MYL12A: variants seen among roughly 807,000 people sequenced by gnomAD.
MYL12A encodes myosin light chain 12A.
A neutral mutation model predicts 13.3 loss-of-function variants in MYL12A; 11 were observed. The observed-to-expected ratio is 0.83, with a 90% CI of 0.52 to 1.37. The LOEUF (loss-of-function observed/expected upper bound fraction) is 1.37. MYL12A is among the 40% of genes most tolerant of loss of function. The pLI, the probability that MYL12A is intolerant of heterozygous loss-of-function variation, is 0.00. For synonymous variants in MYL12A, 51 were observed against 69.9 expected, an observed-to-expected ratio of 0.73 and a Z score of 1.35; for missense variants, 146 against 212.3, an observed-to-expected ratio of 0.69 and a Z score of 1.94.
Position 3,255,972 on chromosome 18 carries a change from G to A in MYL12A, c.*54G>A. 6.3e-7 allele frequency: 1 copy of A among 1,589,164 alleles called. No individual in the cohort carries two copies. The highest frequency in any genetic ancestry group is 8.6e-7 in the Non-Finnish European group (1 of 1,165,992). ...CTTGTTGCCACTTTGGGTATTCTGA[G>A]ATTTTCTCTTGCATGCCCTTAGCTT... is the stretch of plus-strand genomic sequence containing the variant. On this transcript the variant is annotated 3_prime_UTR_variant, in exon 4 of 4. Coordinates refer to ENST00000217652, the MANE Select transcript of MYL12A (RefSeq NM_006471.4).
chr18:3,255,708 A>G (rs1406302594), intron 3 of MYL12A, 38 bp from the exon 4 acceptor site: 1 of 1,586,926 alleles, frequency 6.3e-7, no homozygotes, highest in Non-Finnish European at 8.5e-7. Context: ...AACCCTCAGA[A>G]TAGTATGTAT....
At chr18:3,252,559 G>C (rs2081496706) in intron 1 of MYL12A, 1 of 1,012,162 alleles carries the variant, frequency 9.9e-7, no homozygotes, top group African/African-American at 1.6e-5. Flanking sequence ...CTTGTGCTCT[G>C]ATTTCTGTTT....
At chr18:3,253,639 TA>T in intron 2 of MYL12A, 2 of 679,354 alleles carry the variant, frequency 2.9e-6, no homozygotes, top group Non-Finnish European at 4.8e-6. Flanking sequence ...TGTGTGTGTA[TA>T]AAAACACTGA....
intron 3 of MYL12A, 90 bp from the exon 4 acceptor site, chr18:3,255,656 A>G (rs529993102): frequency 2.1e-6 from 3 of 1,433,570 alleles, no homozygotes; most frequent in South Asian, 2.9e-5. Flanking sequence ...AGTTTGTAAC[A>G]TACAGAACAT....
intron 1 of MYL12A, chr18:3,252,359 T>C (rs2144327744): frequency 6.5e-7 from 1 of 1,529,698 alleles, no homozygotes; most frequent in South Asian, 1.2e-5. Flanking sequence ...ATGACTGAGA[T>C]TTTTAACTTG....
Position 3,253,630 on chromosome 18 carries a change from G to GTA in MYL12A, c.181+203_181+204insAT, listed in dbSNP as rs1202965263. 3.3e-5 allele frequency: 23 copies of GTA among 699,406 alleles called. 1 individual carries two copies. Among genetic ancestry groups the GTA allele is most frequent in the Non-Finnish European group, 5.1e-5 (22 of 428,204 alleles). The allele number at this position is 699,406 out of a possible 1,614,324, so 43.3% of individuals were successfully genotyped here. On this transcript the variant is annotated intron_variant, in intron 2 of 3. Coordinates refer to ENST00000217652, the MANE Select transcript of MYL12A (RefSeq NM_006471.4). ...ATTGGGTTGGGGTTCGTGTGTGTGT[G>GTA]TGTGTGTATAAAAACACTGATCTTG... is the stretch of plus-strand genomic sequence containing the variant.
At chr18:3,247,714 T>G, upstream of MYL12A, 1 of 152,314 alleles carries the variant, frequency 6.6e-6, no homozygotes, top group Middle Eastern at 3.1e-3. Context: ...CTGACCACAC[T>G]GGCGACTTCC....
At chr18:3,252,818 C>G (rs1029938436) in intron 1 of MYL12A, among the ~76,000 whole-genome samples, 1 of 152,138 alleles carries the variant, frequency 6.6e-6, no homozygotes, top group Non-Finnish European at 1.5e-5. Context: ...AAGACCTGTT[C>G]CATCAGTTAG....
intron 1 of MYL12A, chr18:3,249,450 C>T (rs957529837): frequency 6.6e-6 from 1 of 152,184 alleles, no homozygotes; most frequent in Non-Finnish European, 1.5e-5. Context: ...AAAGGTTATG[C>T]TCCTTTAGAT....
intron 1 of MYL12A, among the ~76,000 whole-genome samples, chr18:3,251,807 T>G (rs2081488392): frequency 6.6e-6 from 1 of 152,178 alleles, no homozygotes; most frequent in Non-Finnish European, 1.5e-5. Flanking sequence ...TATCATAACT[T>G]CTGTGCTATG....
chr18:3,250,541 A>G (rs372267328), intron 1 of MYL12A, among the ~76,000 whole-genome samples: 4 of 152,204 alleles, frequency 2.6e-5, no homozygotes, highest in Admixed American at 1.3e-4. Flanking sequence ...CAAACTCCCT[A>G]TCGCTGAAAG....
At chr18:3,248,900 C>T (rs988985724) in intron 1 of MYL12A, among the ~76,000 whole-genome samples, 14 of 151,548 alleles carry the variant, frequency 9.2e-5, no homozygotes, top group Non-Finnish European at 2.1e-4. Flanking sequence ...TTGTGGTTAG[C>T]ACCAGAAAAT....
intron 1 of MYL12A, 104 bp from the exon 2 acceptor site, chr18:3,253,129 C>T: frequency 7.9e-7 from 1 of 1,265,576 alleles, no homozygotes; most frequent in South Asian, 1.5e-5. Flanking sequence ...TCAAACATAT[C>T]AGGAAAGTTG....
intron 1 of MYL12A, among the ~76,000 whole-genome samples, chr18:3,249,085 G>A (rs2081458852): frequency 6.6e-6 from 1 of 152,162 alleles, no homozygotes; most frequent in Admixed American, 6.5e-5. Flanking sequence ...ATCAATTTGA[G>A]TGTTCGTTTT....
chr18:3,254,105 C>G, intron 3 of MYL12A, 55 bp downstream of exon 3: 3 of 1,557,976 alleles, frequency 1.9e-6, no homozygotes, highest in Non-Finnish European at 2.6e-6. Context: ...GTTATGGTAA[C>G]TAAAATATAC....
At chr18:3,252,573 G>A in intron 1 of MYL12A, 1 of 844,520 alleles carries the variant, frequency 1.2e-6, no homozygotes, top group Non-Finnish European at 1.6e-6. Context: ...TCTGTTTAGA[G>A]ATCTTAGATA....
intron 3 of MYL12A, among the ~76,000 whole-genome samples, chr18:3,254,858 T>G (rs2081521445): frequency 6.6e-6 from 1 of 152,262 alleles, no homozygotes. Flanking sequence ...GTTGCCTCCA[T>G]TAGTGGGACG....
Position 3,255,892 on chromosome 18 carries a change from C to T in MYL12A, c.490C>T (p.His164Tyr), listed in dbSNP as rs2081532433. ...CATCGAGTTCACACGCATCCTGAAA[C>T]ATGGAGCCAAAGACAAAGATGACTG... Reference protein sequence around the residue: ...NYIEFTRILKHGAKDKDD With the variant: ...NYIEFTRILKYGAKDKDD The change falls in exon 4 of 4, where the codon CAT becomes TAT. Residue 164 changes from histidine (H) to tyrosine (Y), a missense_variant. By Grantham distance (83) the His-to-Tyr change is moderately conservative. Coordinates refer to ENST00000217652, the MANE Select transcript of MYL12A (RefSeq NM_006471.4). 4.3e-6 allele frequency: 7 copies of T among 1,613,808 alleles called. No individual in the cohort carries two copies. The highest frequency in any genetic ancestry group is 5.9e-6 in the Non-Finnish European group (7 of 1,179,938).
At chr18:3,253,021 C>A (rs556702722) in intron 1 of MYL12A, among the ~76,000 whole-genome samples, 4 of 152,232 alleles carry the variant, frequency 2.6e-5, no homozygotes, top group Non-Finnish European at 5.9e-5. Context: ...GTTATCAAAT[C>A]AGCAGATTTG....
Sources: gnomAD v4.1 joint callset for allele counts (sites outside exome capture counted in the v4.1 genomes callset) on GRCh38, gnomAD v4.1.1 for gene constraint, MANE v1.5 for transcripts, NCBI Gene and HGNC (gene_info 2026-07-23, HGNC 2026-07-21) for gene names.